CSMD1: variants seen among roughly 807,000 people sequenced by gnomAD.
CSMD1 encodes CUB and sushi domain-containing protein 1.
Under a neutral mutation model 417.5 loss-of-function variants are expected in CSMD1, and 213 were observed. The observed-to-expected ratio is 0.51, with a 90% CI of 0.46 to 0.57. The LOEUF (loss-of-function observed/expected upper bound fraction) is 0.57, where lower values mean the gene tolerates loss of function less well. CSMD1 is among the 20% of genes least tolerant of loss of function. CSMD1 has a pLI of 0.00. For synonymous variants in CSMD1, 2,862 were observed against 1,736.8 expected, an observed-to-expected ratio of 1.65 and a Z score of -16.11; for missense variants, 6,923 against 4,529.7, an observed-to-expected ratio of 1.53 and a Z score of -15.17.
intron 2 of CSMD1, among the ~76,000 whole-genome samples, chr8:4,556,730 G>C (rs557256508): frequency 6.6e-6 from 1 of 152,226 alleles, no homozygotes; most frequent in African/African-American, 2.4e-5. Context: ...ATATTCACAA[G>C]ATGAGCATCG....
intron 5 of CSMD1, among the ~76,000 whole-genome samples, chr8:3,806,392 C>G (rs921420309): frequency 6.6e-6 from 1 of 152,138 alleles, no homozygotes; most frequent in African/African-American, 2.4e-5. Context: ...CTGTGGGACA[C>G]AAAAGCGTGT....
chr8:4,289,381 G>T (rs1332148090), intron 3 of CSMD1, among the ~76,000 whole-genome samples: 2 of 140,584 alleles, frequency 1.4e-5, no homozygotes, highest in African/African-American at 2.6e-5. Flanking sequence ...GATTAACATC[G>T]ATCAATTAGT....
chr8:3,275,210 A>G (rs927889354), intron 26 of CSMD1, among the ~76,000 whole-genome samples: 3 of 152,142 alleles, frequency 2.0e-5, no homozygotes, highest in African/African-American at 7.2e-5. Context: ...CTGGATATGA[A>G]ATTCTGGGTT....
At chr8:3,700,780 C>G (rs919741764) in intron 7 of CSMD1, among the ~76,000 whole-genome samples, 2 of 151,958 alleles carry the variant, frequency 1.3e-5, no homozygotes. Flanking sequence ...ACCAAGAGGA[C>G]CAGGATGCAA....
intron 5 of CSMD1, among the ~76,000 whole-genome samples, chr8:3,763,578 G>A (rs1798122582): frequency 6.6e-6 from 1 of 152,230 alleles, no homozygotes; most frequent in African/African-American, 2.4e-5. Context: ...GCCCCGTTTG[G>A]TACAGCCTGT....
chr8:4,608,568 G>C (rs1333604694), intron 2 of CSMD1, among the ~76,000 whole-genome samples: 1 of 152,172 alleles, frequency 6.6e-6, no homozygotes. Flanking sequence ...CTGCTCCATC[G>C]TCAAGATAAG....
intron 5 of CSMD1, among the ~76,000 whole-genome samples, chr8:3,837,677 C>G (rs1802799176): frequency 6.6e-6 from 1 of 152,150 alleles, no homozygotes; most frequent in Non-Finnish European, 1.5e-5. Context: ...ACAGGGATGT[C>G]TGCTCTTGAG....
chr8:3,393,316 G>T (rs1312399157), intron 17 of CSMD1, among the ~76,000 whole-genome samples: 1 of 152,130 alleles, frequency 6.6e-6, no homozygotes, highest in African/African-American at 2.4e-5. Flanking sequence ...CACTTCTGTG[G>T]CTATACAGCT....
chr8:4,632,808 T>C (rs552750102), intron 2 of CSMD1, among the ~76,000 whole-genome samples: 1 of 152,180 alleles, frequency 6.6e-6, no homozygotes, highest in South Asian at 2.1e-4. Flanking sequence ...AAATATAATG[T>C]GCACTGCGTT....
chr8:4,464,849 T>G (rs1476638847), intron 2 of CSMD1, among the ~76,000 whole-genome samples: 2 of 152,186 alleles, frequency 1.3e-5, no homozygotes, highest in Non-Finnish European at 2.9e-5. Context: ...GATCCCAATT[T>G]ACCCTGCTGT....
intron 1 of CSMD1, among the ~76,000 whole-genome samples, chr8:4,686,879 G>T (rs1362549781): frequency 6.6e-6 from 1 of 152,178 alleles, no homozygotes; most frequent in Non-Finnish European, 1.5e-5. Flanking sequence ...AGCAGGCGAT[G>T]GCCCAAGACC....
At chr8:3,389,246 T>A (rs1465125323) in intron 17 of CSMD1, among the ~76,000 whole-genome samples, 3 of 152,152 alleles carry the variant, frequency 2.0e-5, no homozygotes, top group Non-Finnish European at 4.4e-5. Context: ...TTAGTTGTTT[T>A]TCCCGATCCT....
At chr8:4,567,163 C>A (rs1413627974) in intron 2 of CSMD1, among the ~76,000 whole-genome samples, 1 of 152,118 alleles carries the variant, frequency 6.6e-6, no homozygotes, top group Non-Finnish European at 1.5e-5. Flanking sequence ...TGAATGTTTA[C>A]AACATTACTT....
At chr8:4,561,035 A>C (rs1472424147) in intron 2 of CSMD1, among the ~76,000 whole-genome samples, 1 of 152,184 alleles carries the variant, frequency 6.6e-6, no homozygotes, top group Non-Finnish European at 1.5e-5. Context: ...ACCCATACCA[A>C]TCCACAGGAA....
At chr8:4,096,035 T>C (rs1037386753) in intron 3 of CSMD1, among the ~76,000 whole-genome samples, 10 of 147,196 alleles carry the variant, frequency 6.8e-5, no homozygotes, top group African/African-American at 2.6e-4. Context: ...ATGGGTATAA[T>C]GTGTGGTGTG....
chr8:4,992,532 C>A (rs1275124264), intron 1 of CSMD1, among the ~76,000 whole-genome samples: 1 of 152,166 alleles, frequency 6.6e-6, no homozygotes, highest in African/African-American at 2.4e-5. Context: ...TTCCTCTCCA[C>A]GCAGGGGCTC....
chr8:4,670,486 C>G (rs1455399481), intron 1 of CSMD1, among the ~76,000 whole-genome samples: 1 of 152,078 alleles, frequency 6.6e-6, no homozygotes, highest in Non-Finnish European at 1.5e-5. Flanking sequence ...TTAACTACTC[C>G]CACTTGAATT....
rs370757659 is a variant in CSMD1, at chr8:4,636,245, C to G, written c.302+1097G>C. On this transcript the variant is annotated intron_variant, in intron 2 of 69. Transcript: ENST00000635120. ...TCTTTGGAAGGGATATTCCTTCTTC[C>G]TTTGCCAAATTGAAAACAAAAAGTA... 2.3e-3 allele frequency among the ~76,000 whole-genome samples: 356 copies of G among 152,110 alleles called. 2 individuals carry two copies. Among genetic ancestry groups the G allele is most frequent in the African/African-American group, 8.1e-3 (336 of 41,536 alleles).
At chr8:3,292,504 C>T (rs568371189) in intron 25 of CSMD1, among the ~76,000 whole-genome samples, 27 of 152,090 alleles carry the variant, frequency 1.8e-4, no homozygotes, top group East Asian at 3.9e-4. Flanking sequence ...CAAGAATCTG[C>T]GTGCTCCTGT....
Sources: allele counts gnomAD v4.1 joint callset (sites outside exome capture counted in the v4.1 genomes callset), GRCh38; gene constraint gnomAD v4.1.1; transcripts MANE v1.5; gene names NCBI Gene and HGNC (gene_info 2026-07-23, HGNC 2026-07-21).